The following PALLD variants were observed in gnomAD, a reference collection of about 807,000 sequenced individuals.
PALLD encodes the protein palladin, cytoskeletal associated protein, also known as palladin.
A neutral mutation model predicts 123.5 loss-of-function variants in PALLD; 61 were observed. The ratio of observed to expected loss-of-function variants is 0.49; its 90% CI spans 0.40 to 0.61. PALLD has a LOEUF of 0.61. Among genes scored for constraint, PALLD ranks in the 20% least tolerant of loss-of-function variants. The pLI, the probability that PALLD is intolerant of heterozygous loss-of-function variation, is 0.00. For missense variants in PALLD, 1,273 were observed against 1,377.0 expected, an observed-to-expected ratio of 0.92 and a Z score of 1.20; for synonymous variants, 465 against 496.4, an observed-to-expected ratio of 0.94 and a Z score of 0.84.
intron 1 of PALLD, among the ~76,000 whole-genome samples, chr4:168,509,814 G>C (rs1249008108): frequency 6.6e-6 from 1 of 152,154 alleles, no homozygotes. Context: ...TGTTAACATT[G>C]AGTTTCAGGA....
chr4:168,777,552 A>G (rs550170117), intron 10 of PALLD, among the ~76,000 whole-genome samples: 5 of 152,314 alleles, frequency 3.3e-5, no homozygotes, highest in Admixed American at 2.0e-4. Flanking sequence ...TAGACTCAGA[A>G]TATCAGTAGC....
intron 10 of PALLD, among the ~76,000 whole-genome samples, chr4:168,806,722 C>A (rs1053843854): frequency 6.6e-6 from 1 of 152,144 alleles, no homozygotes; most frequent in African/African-American, 2.4e-5. Flanking sequence ...GGTCTGCCTT[C>A]AGCTGGGAGA....
intron 10 of PALLD, among the ~76,000 whole-genome samples, chr4:168,758,572 C>T (rs1732227217): frequency 1.3e-5 from 2 of 152,086 alleles, no homozygotes; most frequent in African/African-American, 4.8e-5. Flanking sequence ...AAACCTCTCC[C>T]TGTGGATATG....
At position 168,844,552 on chromosome 4, in the gene PALLD, A is replaced by C. The variant is rs1746522315; in HGVS notation, c.1965-46370A>C. ...TCTCTCCAAGTCCCAGTCGCTCGTC[A>C]AAAACTGTGCCATCAGCGCAAGACC... On this transcript the variant is annotated intron_variant, in intron 10 of 21. Coordinates refer to ENST00000505667, the MANE Select transcript of PALLD (RefSeq NM_001166108.2). This position sits in a 1 kb window ranked among gnomAD's most constrained non-coding sequence, Gnocchi z 4.5. 6.6e-6 allele frequency: 1 copy of C among 152,216 alleles called. No homozygotes were observed. 9.4% of individuals were successfully genotyped at this position (152,216 alleles called of 1,614,324 possible). A position where few individuals can be genotyped will look rare whatever the true frequency, so the allele number is the denominator to read the frequency against.
intron 10 of PALLD, among the ~76,000 whole-genome samples, chr4:168,875,864 C>A (rs1277389289): frequency 2.6e-5 from 4 of 152,206 alleles, no homozygotes; most frequent in African/African-American, 9.7e-5. Context: ...AGAGTCACTC[C>A]CTAATTCTGG....
chr4:168,500,550 TA>T (rs1424771213), intron 1 of PALLD, among the ~76,000 whole-genome samples: 1 of 152,116 alleles, frequency 6.6e-6, no homozygotes, highest in East Asian at 1.9e-4. Flanking sequence ...TTTTTTTTTG[TA>T]TTTTTGTAGA....
intron 2 of PALLD, among the ~76,000 whole-genome samples, chr4:168,546,792 G>T (rs952026798): frequency 3.9e-5 from 6 of 152,146 alleles, no homozygotes; most frequent in African/African-American, 1.4e-4. Flanking sequence ...CAGAGAAGAA[G>T]TTGGGACCTC....
intron 2 of PALLD, among the ~76,000 whole-genome samples, chr4:168,611,311 G>A (rs377029570): frequency 2.6e-4 from 40 of 152,248 alleles, no homozygotes; most frequent in African/African-American, 7.5e-4. Flanking sequence ...ACCAGTTTGC[G>A]GTGAAGTCTA....
chr4:168,823,891 T>C (rs928494367), intron 10 of PALLD, among the ~76,000 whole-genome samples: 1 of 152,232 alleles, frequency 6.6e-6, no homozygotes, highest in South Asian at 2.1e-4. Flanking sequence ...GTGAAGAGAA[T>C]TTTTGTCAGA....
intron 10 of PALLD, among the ~76,000 whole-genome samples, chr4:168,839,020 A>G (rs1380175526): frequency 2.0e-5 from 3 of 152,124 alleles, no homozygotes; most frequent in African/African-American, 7.2e-5. Context: ...TGGCATGATC[A>G]TGGCTCGATG....
In PALLD at chr4:168,781,858, A is replaced by G. The variant is rs534425423; in HGVS notation, c.1964+69935A>G. Among the ~76,000 whole-genome samples, 26 of 152,258 alleles carry G rather than the reference A, an allele frequency of 1.7e-4. No homozygotes were observed. In the East Asian group the frequency reaches 3.9e-3, roughly 23 times the overall value. ...TTATATTGAAAAGATGTGATGAAAA[A>G]GTAATGTACCCACTGACTGATTTTG... On this transcript the variant is annotated intron_variant, in intron 10 of 21. Coordinates refer to ENST00000505667, the MANE Select transcript of PALLD (RefSeq NM_001166108.2).
chr4:168,762,986 G>A (rs1480612936), intron 10 of PALLD, among the ~76,000 whole-genome samples: 2 of 152,110 alleles, frequency 1.3e-5, no homozygotes, highest in Non-Finnish European at 2.9e-5. Flanking sequence ...GAGAACACAT[G>A]GACACAGGGA....
At chr4:168,643,657 G>A (rs1175855684) in intron 2 of PALLD, among the ~76,000 whole-genome samples, 2 of 152,154 alleles carry the variant, frequency 1.3e-5, no homozygotes, top group Non-Finnish European at 2.9e-5. Flanking sequence ...GCATTTGAGT[G>A]ACAGCTCCAG....
intron 10 of PALLD, among the ~76,000 whole-genome samples, chr4:168,856,442 G>A (rs1434183674): frequency 6.6e-6 from 1 of 152,124 alleles, no homozygotes; most frequent in Non-Finnish European, 1.5e-5. Context: ...TTTCCACAGT[G>A]GCCTAATTTA....
intron 2 of PALLD, among the ~76,000 whole-genome samples, chr4:168,664,528 C>T (rs763341347): frequency 5.3e-5 from 8 of 152,046 alleles, no homozygotes; most frequent in Non-Finnish European, 1.0e-4. Context: ...TTGTTCTCCA[C>T]CTCAGTGAAT....
intron 8 of PALLD, among the ~76,000 whole-genome samples, chr4:168,694,792 G>A (rs952808180): frequency 6.6e-6 from 1 of 152,232 alleles, no homozygotes; most frequent in Admixed American, 6.5e-5. Flanking sequence ...AAGTCAGCTT[G>A]CATCACAAAT....
At chr4:168,771,828 G>A (rs1428711527) in intron 10 of PALLD, among the ~76,000 whole-genome samples, 1 of 152,088 alleles carries the variant, frequency 6.6e-6, no homozygotes, top group African/African-American at 2.4e-5. Context: ...CCAGGTATAA[G>A]TCCCCCTTCC....
intron 10 of PALLD, among the ~76,000 whole-genome samples, chr4:168,803,770 G>T (rs890193757): frequency 1.3e-5 from 2 of 152,332 alleles, no homozygotes; most frequent in African/African-American, 4.8e-5. Flanking sequence ...AACCGTGAGG[G>T]TTTAAAGGAC....
At chr4:168,644,991 C>G (rs1303580762) in intron 2 of PALLD, among the ~76,000 whole-genome samples, 1 of 151,600 alleles carries the variant, frequency 6.6e-6, no homozygotes, top group Non-Finnish European at 1.5e-5. Flanking sequence ...ATCCCAGCTA[C>G]TCGGGAAGCT....
Sources: gnomAD v4.1 joint callset for allele counts (sites outside exome capture counted in the v4.1 genomes callset) on GRCh38, gnomAD v4.1.1 for gene constraint, Gnocchi (gnomAD v3.1) non-coding constraint, MANE v1.5 for transcripts, NCBI Gene and HGNC (gene_info 2026-07-23, HGNC 2026-07-21) for gene names.